The following SMOC2 variants were observed in gnomAD, a reference collection of about 807,000 sequenced individuals.
The protein encoded by SMOC2 is SPARC related modular calcium binding 2, also known as SPARC-related modular calcium-binding protein 2.
A neutral mutation model predicts 61.4 loss-of-function variants in SMOC2; 39 were observed. The ratio of observed to expected loss-of-function variants is 0.64; its 90% CI spans 0.49 to 0.83. The LOEUF is 0.83. Among genes scored for constraint, SMOC2 ranks in the 40% least tolerant of loss-of-function variants. The pLI is 0.00. For synonymous variants in SMOC2, 247 were observed against 239.9 expected (o/e 1.03, Z -0.27); for missense variants, 556 against 592.9 (o/e 0.94, Z 0.65).
Position 168,463,282 on chromosome 6 carries a change from G to A in SMOC2, c.84+21828G>A, listed in dbSNP as rs9455649. Among the ~76,000 whole-genome samples the A allele has an allele frequency of 4.5e-3, 686 of 152,266 alleles. 7 individuals carry two copies. The highest frequency in any genetic ancestry group is 0.014 in the African/African-American group (602 of 41,534). On this transcript the variant is annotated intron_variant, in intron 1 of 12. Coordinates refer to ENST00000356284, the MANE Select transcript of SMOC2 (RefSeq NM_001166412.2). ...AGAATCTCATTCTCATAAATAGAAA[G>A]CGCTGGCTGTGGCGAAATCAAGGCG...
intron 9 of SMOC2, among the ~76,000 whole-genome samples, chr6:168,647,240 A>G (rs1050105923): frequency 1.2e-4 from 18 of 152,200 alleles, no homozygotes; most frequent in Non-Finnish European, 1.2e-4. Context: ...TTTGACGCCA[A>G]CCCTTCCATG....
intron 7 of SMOC2, among the ~76,000 whole-genome samples, chr6:168,552,337 T>C (rs1393391286): frequency 1.3e-5 from 2 of 152,216 alleles, no homozygotes; most frequent in Non-Finnish European, 2.9e-5. Context: ...TCGGTAGACA[T>C]AGACACATTT....
chr6:168,522,814 C>A (rs879346544), intron 2 of SMOC2, among the ~76,000 whole-genome samples: 9 of 152,114 alleles, frequency 5.9e-5, no homozygotes, highest in Non-Finnish European at 1.0e-4. Flanking sequence ...CAGAAGGATA[C>A]CTCGTGTGTG....
At chr6:168,518,828 CAT>C (rs1173609262) in intron 2 of SMOC2, among the ~76,000 whole-genome samples, 2 of 146,074 alleles carry the variant, frequency 1.4e-5, no homozygotes, top group East Asian at 2.0e-4. Context: ...TATGTGAGTG[CAT>C]GAGTGTGCAT....
chr6:168,530,922 G>A (rs563471193), intron 4 of SMOC2, among the ~76,000 whole-genome samples: 6 of 152,270 alleles, frequency 3.9e-5, no homozygotes, highest in African/African-American at 4.8e-5. Context: ...GTCCATTGGC[G>A]TCTGCCTGGG....
chr6:168,666,499 A>T lies in SMOC2; in HGVS notation c.*61A>T. Reference sequence around the variant, plus strand: ...GGGAAATTTCCCTCACCAAAGAGCAATTAAGAAAACAAAAACAGAAACACA... The same window carrying T: ...GGGAAATTTCCCTCACCAAAGAGCATTTAAGAAAACAAAAACAGAAACACA... On this transcript the variant is annotated 3_prime_UTR_variant, in exon 13 of 13. Coordinates refer to ENST00000356284, the MANE Select transcript of SMOC2 (RefSeq NM_001166412.2). 1 of 1,579,512 alleles carries T rather than the reference A, an allele frequency of 6.3e-7. No individual in the cohort carries two copies. The highest frequency in any genetic ancestry group is 8.7e-7 in the Non-Finnish European group (1 of 1,151,092).
chr6:168,638,233 G>A (rs533900449), intron 9 of SMOC2, among the ~76,000 whole-genome samples: 1 of 131,216 alleles, frequency 7.6e-6, no homozygotes, highest in African/African-American at 2.7e-5. Flanking sequence ...AAATAATGTT[G>A]TTATTGTTAT....
At chr6:168,616,385 T>C (rs1786094528) in intron 9 of SMOC2, among the ~76,000 whole-genome samples, 1 of 152,136 alleles carries the variant, frequency 6.6e-6, no homozygotes, top group Non-Finnish European at 1.5e-5. Context: ...GGACAAGGAC[T>C]GGGTGTTGAG....
At chr6:168,591,094 G>A (rs926821621) in intron 7 of SMOC2, among the ~76,000 whole-genome samples, 2 of 152,154 alleles carry the variant, frequency 1.3e-5, no homozygotes, top group Non-Finnish European at 2.9e-5. Flanking sequence ...AAGTAAATTG[G>A]AATTGAAATC....
In SMOC2 at chr6:168,579,875, G is replaced by C. The variant is rs569146383; in HGVS notation, c.638-18943G>C. Among the ~76,000 whole-genome samples, 3 of 152,258 alleles carry C rather than the reference G, an allele frequency of 2.0e-5. No individual in the cohort carries two copies. The South Asian group carries it at 6.2e-4, about 32-fold the overall frequency. On this transcript the variant is annotated intron_variant, in intron 7 of 12. Coordinates refer to ENST00000356284, the MANE Select transcript of SMOC2 (RefSeq NM_001166412.2). ...TGGAATCAGGGCTAACTTCGACTCC[G>C]GTTTTCAAAGCTTATGTTGGTGTGG...
chr6:168,509,820 C>A, intron 1 of SMOC2, 95 bp from the exon 2 acceptor site: 1 of 1,282,438 alleles, frequency 7.8e-7, no homozygotes, highest in East Asian at 2.4e-5. Context: ...GCTTTCATTC[C>A]CTGACCGTGA....
At chr6:168,492,341 GTT>G (rs1413650218) in intron 1 of SMOC2, among the ~76,000 whole-genome samples, 9 of 152,302 alleles carry the variant, frequency 5.9e-5, no homozygotes, top group African/African-American at 1.4e-4. Flanking sequence ...CCTTTCCATA[GTT>G]TTCAGTTCAC....
intron 7 of SMOC2, among the ~76,000 whole-genome samples, chr6:168,560,608 A>G (rs867600112): frequency 0.019 from 310 of 16,288 alleles, 19 homozygotes; most frequent in Non-Finnish European, 0.024. Context: ...GCCCTGAGAC[A>G]CGAGGCTCTC....
intron 1 of SMOC2, among the ~76,000 whole-genome samples, chr6:168,448,564 G>A (rs1185101826): frequency 1.3e-5 from 2 of 148,638 alleles, no homozygotes; most frequent in African/African-American, 5.0e-5. Context: ...TGGGGAGGAG[G>A]ACAGAACTGG....
In SMOC2 at chr6:168,647,223, C is replaced by T. The variant is rs553379141; in HGVS notation, c.908-3458C>T. 7.9e-5 allele frequency among the ~76,000 whole-genome samples: 12 copies of T among 152,286 alleles called. No individual in the cohort carries two copies. In the South Asian group the frequency reaches 1.0e-3, roughly 13 times the overall value. ...CTGGGTACATCGCTGAGCCTGCATG[C>T]GGCAGTTTTGACGCCAACCCTTCCA... On this transcript the variant is annotated intron_variant, in intron 9 of 12. Coordinates refer to ENST00000356284, the MANE Select transcript of SMOC2 (RefSeq NM_001166412.2).
intron 9 of SMOC2, among the ~76,000 whole-genome samples, chr6:168,610,866 T>C (rs57749090): frequency 0.26 from 39,139 of 152,116 alleles, 5,158 homozygotes; most frequent in Non-Finnish European, 0.27. Context: ...TTGTGTAGGT[T>C]TCCTCCTGGG....
intron 1 of SMOC2, among the ~76,000 whole-genome samples, chr6:168,468,259 C>T (rs933820100): frequency 3.9e-5 from 6 of 152,158 alleles, no homozygotes; most frequent in Admixed American, 2.6e-4. Flanking sequence ...CCATGGTGAT[C>T]GCAGCAGGTG....
Position 168,453,324 on chromosome 6 carries a change from G to C in SMOC2, c.84+11870G>C, listed in dbSNP as rs539891699. Reference sequence around the variant, plus strand: ...CCCTGCGGCCCTGTCATTTCGGGCTGTGCCTTTGTCTCCGGGTCTCCTCCT... The same window carrying C: ...CCCTGCGGCCCTGTCATTTCGGGCTCTGCCTTTGTCTCCGGGTCTCCTCCT... On this transcript the variant is annotated intron_variant, in intron 1 of 12. Transcript: ENST00000356284. This position sits in a 1 kb window ranked among gnomAD's most constrained non-coding sequence, Gnocchi z 4.4. 2.6e-5 allele frequency among the ~76,000 whole-genome samples: 4 copies of C among 152,188 alleles called. No individual in the cohort carries two copies. The highest frequency in any genetic ancestry group is 2.1e-4 in the South Asian group (1 of 4,832).
intron 8 of SMOC2, among the ~76,000 whole-genome samples, chr6:168,607,062 C>T (rs753170584): frequency 6.6e-6 from 1 of 151,996 alleles, no homozygotes; most frequent in Non-Finnish European, 1.5e-5. Flanking sequence ...GTGTGCTGAC[C>T]CAGGAATCTC....
Sources: gnomAD v4.1 joint callset for allele counts (sites outside exome capture counted in the v4.1 genomes callset) on GRCh38, gnomAD v4.1.1 for gene constraint, Gnocchi (gnomAD v3.1) non-coding constraint, MANE v1.5 for transcripts, NCBI Gene and HGNC (gene_info 2026-07-23, HGNC 2026-07-21) for gene names.